Variants in SULT1C2 observed in about 807,000 individuals in gnomAD.
SULT1C2 encodes the protein sulfotransferase family 1C member 2, also known as sulfotransferase 1C2.
Under a neutral mutation model 36.0 loss-of-function variants are expected in SULT1C2, and 27 were observed. That is an observed-to-expected ratio of 0.75 (90% CI 0.55 to 1.03). The LOEUF (loss-of-function observed/expected upper bound fraction) is 1.03, where lower values mean the gene tolerates loss of function less well. Ranked by LOEUF, SULT1C2 falls within the 50% of genes least tolerant of loss-of-function variation. The pLI, the probability that SULT1C2 is intolerant of heterozygous loss-of-function variation, is 0.00. For missense variants in SULT1C2, 395 were observed against 359.2 expected (o/e 1.10, Z -0.80); for synonymous variants, 121 against 116.0 (o/e 1.04, Z -0.27).
At chr2:108,298,768 G>GTT (rs1034850422) in intron 3 of SULT1C2, 2 of 224,308 alleles carry the variant, frequency 8.9e-6, no homozygotes, top group African/African-American at 2.4e-5. Context: ...TCTTCCACCT[G>GTT]TTTTTTTTCT....
intron 3 of SULT1C2, 108 bp from the exon 4 acceptor site, chr2:108,300,730 T>A: frequency 6.7e-7 from 1 of 1,485,910 alleles, no homozygotes; most frequent in Non-Finnish European, 9.0e-7. Flanking sequence ...GTCAAGAGAC[T>A]AGCAGAAAGA....
rs144954759 is a variant in SULT1C2 at position 108,294,264 on chromosome 2, G to A, written c.187G>A (p.Glu63Lys). 10 of 1,613,926 alleles carry A rather than the reference G, an allele frequency of 6.2e-6. No individual in the cohort carries two copies. The African/African-American group carries it at 1.3e-4, about 22-fold the overall frequency. Residue 63 changes from glutamate to lysine, a missense_variant, in exon 3 of 8, where the codon GAA becomes AAA. Transcript: ENST00000251481. ...GATTCAGGAAATTGTGGATATGATT[G>A]AACAGAATGGGGACGTGGAGAAGTG... ...TWIQEIVDMI[E>K]QNGDVEKCQR...
rs1055845451 is a variant in SULT1C2 at position 108,309,285 on chromosome 2, G to T, written c.*821G>T. On this transcript the variant is annotated 3_prime_UTR_variant, in exon 8 of 8. Transcript: ENST00000251481. The stretch of plus-strand genomic sequence containing the variant: ...CTTGCTTCCCATATTTGTCCCAGTT[G>T]CAGCCCTGTTGTTATGTATTTACTC... 6.6e-6 allele frequency: 1 copy of T among 152,220 alleles called. No individual in the cohort carries two copies. The allele number at this position is 152,220 out of a possible 1,614,324, so 9.4% of individuals were successfully genotyped here. A position where few individuals can be genotyped will look rare whatever the true frequency, so the allele number is the denominator to read the frequency against.
At chr2:108,300,468 G>C (rs1049794656) in intron 3 of SULT1C2, 4 of 334,978 alleles carry the variant, frequency 1.2e-5, no homozygotes, top group African/African-American at 4.2e-5. Flanking sequence ...AACAGGCCGG[G>C]TACATGAGAC....
chr2:108,298,400 G>A (rs1192895603), intron 3 of SULT1C2, among the ~76,000 whole-genome samples: 1 of 151,878 alleles, frequency 6.6e-6, no homozygotes, highest in Non-Finnish European at 1.5e-5. Flanking sequence ...TTGAGACAGG[G>A]TCTCACTCTG....
chr2:108,295,384 C>T lies in SULT1C2; in HGVS notation c.277+1030C>T, dbSNP rs190518371. On this transcript the variant is annotated intron_variant, in intron 3 of 7. Coordinates refer to ENST00000251481, the MANE Select transcript of SULT1C2 (RefSeq NM_001056.4). ...GTGGGGCTCTGACCCCATAGACAGG[C>T]CAGCCTCTGCCTGCTTAACCATGAT... Among the ~76,000 whole-genome samples, 19 of 152,368 alleles carry T rather than the reference C, an allele frequency of 1.2e-4. No individual in the cohort carries two copies. In the South Asian group the frequency reaches 2.9e-3, roughly 23 times the overall value.
chr2:108,293,954 C>A (rs1676659392), intron 2 of SULT1C2, 136 bp downstream of exon 2: 2 of 1,364,704 alleles, frequency 1.5e-6, no homozygotes, highest in Admixed American at 2.6e-5. Flanking sequence ...AGGGCTCACA[C>A]AGGATGCCTG....
intron 3 of SULT1C2, 82 bp from the exon 4 acceptor site, chr2:108,300,756 A>C (rs758034509): frequency 6.5e-7 from 1 of 1,544,510 alleles, no homozygotes; most frequent in Non-Finnish European, 8.8e-7. Flanking sequence ...GGGTGATGGG[A>C]TGTCCTGGAC....
chr2:108,298,676 CT>C (rs944805820), intron 3 of SULT1C2: 7 of 390,440 alleles, frequency 1.8e-5, no homozygotes, highest in South Asian at 7.3e-5. Context: ...GCCACTGCCC[CT>C]GGTCTTCTTT....
intron 2 of SULT1C2, 26 bp from the exon 3 acceptor site, chr2:108,294,203 T>C (rs752738610): frequency 5.6e-6 from 9 of 1,612,394 alleles, no homozygotes; most frequent in Middle Eastern, 1.7e-4. Flanking sequence ...GATTTCTGCT[T>C]CTCATCCTTC....
intron 7 of SULT1C2, among the ~76,000 whole-genome samples, chr2:108,306,909 T>A (rs1677041032): frequency 6.6e-6 from 1 of 151,480 alleles, no homozygotes; most frequent in Non-Finnish European, 1.5e-5. Context: ...TCTCAATAAA[T>A]AAATAAATAA....
chr2:108,294,415 CT>C (rs1464785560), intron 3 of SULT1C2, 61 bp downstream of exon 3: 2 of 1,435,206 alleles, frequency 1.4e-6, no homozygotes, highest in Non-Finnish European at 1.9e-6. Context: ...CTGTTTTCCC[CT>C]GTCTTTTCTC....
In SULT1C2 at chr2:108,308,419, A is replaced by C. The variant is rs761839280; in HGVS notation, c.846A>C (p.Arg282Ser). 5 of 1,612,972 alleles carry C rather than the reference A, an allele frequency of 3.1e-6. No individual in the cohort carries two copies. The highest frequency in any genetic ancestry group is 4.2e-6 in the Non-Finnish European group (5 of 1,179,820). ...AQNERFDEIY[R>S]RKMEGTSINF... ...ATGAGAGGTTTGATGAAATCTATAG[A>C]AGAAAGATGGAAGGAACCTCCATAA... Residue 282 changes from arginine (R) to serine (S), a missense_variant, in exon 8 of 8, where the codon AGA (arginine) becomes AGC (serine). By Grantham distance (110) the Arg-to-Ser change is moderately radical (BLOSUM62 -1). Coordinates refer to ENST00000251481, the MANE Select transcript of SULT1C2 (RefSeq NM_001056.4).
rs1558677142 is a variant in SULT1C2, at chr2:108,294,342, C to A, written c.265C>A (p.Pro89Thr). The change falls in exon 3 of 8, where the codon CCC becomes ACC. Residue 89 changes from proline (P) to threonine (T), a missense_variant. Coordinates refer to ENST00000251481, the MANE Select transcript of SULT1C2 (RefSeq NM_001056.4). ...TCCTTTCATTGAGTGGGCTCGGCCA[C>A]CCCAACCTTCTGGTGAGAGCACCTC... is the stretch of plus-strand genomic sequence containing the variant. Reference protein sequence around the residue: ...RHPFIEWARPPQPSGVEKAKA... With the variant: ...RHPFIEWARPTQPSGVEKAKA... 1.2e-6 allele frequency: 2 copies of A among 1,613,344 alleles called. No individual in the cohort carries two copies. Among genetic ancestry groups the A allele is most frequent in the Middle Eastern group, 3.3e-4 (2 of 6,056 alleles).
Position 108,305,219 on chromosome 2 carries a change from A to G in SULT1C2, c.550A>G (p.Lys184Glu). 6.2e-7 allele frequency: 1 copy of G among 1,614,162 alleles called. No homozygotes were observed. Among genetic ancestry groups the G allele is most frequent in the Non-Finnish European group, 8.5e-7 (1 of 1,180,020 alleles). The change falls in exon 6 of 8, where the codon AAA (lysine) becomes GAA (glutamate). Residue 184 changes from lysine (K) to glutamate (E), a missense_variant. Coordinates refer to ENST00000251481, the MANE Select transcript of SULT1C2 (RefSeq NM_001056.4). ...CCACGTGAAAGGATGGTGGGAGATG[A>G]AAGACAGACACCAGATTCTCTTCCT... Reference protein sequence around the residue: ...FDHVKGWWEMKDRHQILFLFY... With the variant: ...FDHVKGWWEMEDRHQILFLFY...
chr2:108,295,539 G>C (rs1268820242), intron 3 of SULT1C2, among the ~76,000 whole-genome samples: 1 of 152,030 alleles, frequency 6.6e-6, no homozygotes, highest in Non-Finnish European at 1.5e-5. Flanking sequence ...ACCTCACAAC[G>C]TTTAAATCCT....
In SULT1C2 at chr2:108,305,515, T is replaced by C. The variant is rs563878077; in HGVS notation, c.698T>C (p.Met233Thr). ...GTCCAGGAGACGTCATTTGAGAAAA[T>C]GAAAGAAAATCCCATGACAAATCGT... ...KIVQETSFEK[M>T]KENPMTNRST... The change falls in exon 7 of 8, where the codon ATG (methionine) becomes ACG (threonine). Residue 233 changes from methionine (M) to threonine (T), a missense_variant. Transcript: ENST00000251481. The C allele has an allele frequency of 2.2e-5, 36 of 1,614,020 alleles. No individual in the cohort carries two copies. In the South Asian group the frequency reaches 3.8e-4, roughly 17 times the overall value.
intron 1 of SULT1C2, among the ~76,000 whole-genome samples, chr2:108,292,282 T>C (rs1345162623): frequency 1.3e-5 from 2 of 152,178 alleles, no homozygotes; most frequent in African/African-American, 2.4e-5. Flanking sequence ...GTAGTAGTAA[T>C]AAATGTCTTC....
intron 3 of SULT1C2, chr2:108,298,455 C>CCTCAAT (rs1490429407): frequency 5.5e-6 from 1 of 181,442 alleles, no homozygotes; most frequent in East Asian, 1.8e-4. Context: ...CTCACTGCAG[C>CCTCAAT]CTCAATCTCT....
Sources: gnomAD v4.1 joint callset for allele counts (sites outside exome capture counted in the v4.1 genomes callset) on GRCh38, gnomAD v4.1.1 for gene constraint, MANE v1.5 for transcripts, NCBI Gene and HGNC (gene_info 2026-07-23, HGNC 2026-07-21) for gene names.